DUOX1: variants seen among roughly 807,000 people sequenced by gnomAD.
DUOX1 encodes NADPH thyroid oxidase 1.
Under a neutral mutation model 181.8 loss-of-function variants are expected in DUOX1, and 134 were observed. The ratio of observed to expected loss-of-function variants is 0.74; its 90% confidence interval spans 0.64 to 0.85. The LOEUF is 0.85. Ranked by LOEUF, DUOX1 falls within the 40% of genes least tolerant of loss-of-function variation. The pLI, the probability that DUOX1 is intolerant of heterozygous loss-of-function variation, is 0.00. For synonymous variants in DUOX1, 798 were observed against 832.5 expected (o/e 0.96, Z 0.71); for missense variants, 1,814 against 2,064.4 (o/e 0.88, Z 2.35).
chr15:45,143,275 G>A lies in DUOX1; in HGVS notation c.1908G>A (p.Val636=), dbSNP rs765157482. The change falls in exon 16 of 34, where the codon GTG becomes GTA. Residue 636 remains valine, a synonymous_variant. Coordinates refer to ENST00000389037, the MANE Select transcript of DUOX1 (RefSeq NM_175940.3). ...RLQGQDRQSI[V]SEKLVGGMEA... is the part of the protein sequence containing the mutation. ...AGGGCCAGGACCGCCAGAGCATCGT[G>A]TCTGAGAAGCTCGTGGGAGGCATGG... The A allele has an allele frequency of 1.2e-6, 2 of 1,614,156 alleles. No individual in the cohort carries two copies. The highest frequency in any genetic ancestry group is 1.6e-4 in the Middle Eastern group (1 of 6,062).
intron 28 of DUOX1, among the ~76,000 whole-genome samples, chr15:45,159,924 G>A (rs1423690067): frequency 6.6e-6 from 1 of 152,182 alleles, no homozygotes; most frequent in Non-Finnish European, 1.5e-5. Context: ...GGAGGCCGAG[G>A]TGGGCAAATC....
intron 12 of DUOX1, 69 bp downstream of exon 12, chr15:45,139,668 A>T (rs962543610): frequency 5.5e-6 from 8 of 1,463,744 alleles, no homozygotes; most frequent in Non-Finnish European, 7.3e-6. Context: ...GACATGGAAG[A>T]TAGGCAGTGA....
At chr15:45,144,620 T>C (rs1402106768) in intron 17 of DUOX1, among the ~76,000 whole-genome samples, 1 of 152,222 alleles carries the variant, frequency 6.6e-6, no homozygotes, top group Non-Finnish European at 1.5e-5. Flanking sequence ...GCCTGGCCCA[T>C]GATCCCCTCC....
chr15:45,138,821 G>A, intron 10 of DUOX1: 1 of 493,628 alleles, frequency 2.0e-6, no homozygotes, highest in Non-Finnish European at 3.6e-6. Flanking sequence ...GTATCCCAAG[G>A]TCAAAGTAAA....
chr15:45,149,159 T>C (rs1339245210), intron 21 of DUOX1, among the ~76,000 whole-genome samples: 1 of 152,148 alleles, frequency 6.6e-6, no homozygotes, highest in African/African-American at 2.4e-5. Context: ...CTGGGGCATG[T>C]TGAGACCAAA....
rs772372290 is a variant in DUOX1 at position 45,144,068 on chromosome 15, C to A, written c.1969C>A (p.Arg657=). The change falls in exon 17 of 34, where the codon CGG becomes AGG. Residue 657 remains arginine, a synonymous_variant. Coordinates refer to ENST00000389037, the MANE Select transcript of DUOX1 (RefSeq NM_175940.3). ...ATGGCAAGGCCACAAGGAGCCCTGC[C>A]GGCCCGTGCTTGTGTACCTGCAGCC... ...LEWQGHKEPC[R]PVLVYLQPGQ... The A allele has an allele frequency of 1.2e-6, 2 of 1,614,032 alleles. No individual in the cohort carries two copies. The highest frequency in any genetic ancestry group is 1.7e-6 in the Non-Finnish European group (2 of 1,180,042).
At position 45,135,258 on chromosome 15, in the gene DUOX1, G is replaced by T; in HGVS notation, c.462G>T (p.Glu154Asp). 1 of 1,612,806 alleles carries T rather than the reference G, an allele frequency of 6.2e-7. No homozygotes were observed. The highest frequency in any genetic ancestry group is 8.5e-7 in the Non-Finnish European group (1 of 1,179,804). The change falls in exon 5 of 34, where the codon GAG becomes GAT. Residue 154 changes from glutamate (E) to aspartate (D), a missense_variant. Physicochemically the swap from Glu to Asp is conservative, Grantham distance 45. Coordinates refer to ENST00000389037, the MANE Select transcript of DUOX1 (RefSeq NM_175940.3). ...LPFQRSRWDPETGRSPSNPRD... is the reference protein window; with the variant it reads ...LPFQRSRWDPDTGRSPSNPRD... Reference sequence around the variant, plus strand: ...TCCAGAGAAGCCGCTGGGACCCCGAGACCGGACGGAGTCCCAGCAATCCCC... The same window carrying T: ...TCCAGAGAAGCCGCTGGGACCCCGATACCGGACGGAGTCCCAGCAATCCCC...
At chr15:45,136,030 C>G (rs1896303488) in intron 7 of DUOX1, 82 bp downstream of exon 7, 1 of 1,348,410 alleles carries the variant, frequency 7.4e-7, no homozygotes, top group Non-Finnish European at 1.0e-6. Flanking sequence ...AGCTCCCCAT[C>G]TGTGGACAAC....
At chr15:45,155,578 A>G (rs1896950693) in intron 27 of DUOX1, 1 of 596,652 alleles carries the variant, frequency 1.7e-6, no homozygotes, top group African/African-American at 1.9e-5. Flanking sequence ...TCAAAAAAAA[A>G]AAAAAAAAAA....
chr15:45,161,021 A>C (rs1373164111), intron 29 of DUOX1, 31 bp downstream of exon 29: 1 of 1,613,588 alleles, frequency 6.2e-7, no homozygotes. Context: ...CAGCTTGGTG[A>C]CACTGAGGGA....
chr15:45,161,434 A>AAAAAAAAAAGG (rs1897098267), intron 29 of DUOX1, among the ~76,000 whole-genome samples: 1 of 124,782 alleles, frequency 8.0e-6, no homozygotes, highest in Non-Finnish European at 1.8e-5. Flanking sequence ...AAAAAAAAAA[A>AAAAAAAAAAGG]AAAAAAGGAA....
In DUOX1 at chr15:45,135,603, T is replaced by C. The variant is rs1183319392; in HGVS notation, c.625T>C (p.Ser209Pro). The change falls in exon 6 of 34, where the codon TCG (serine) becomes CCG (proline). Residue 209 changes from serine (S) to proline (P), a missense_variant. By Grantham distance (74) the Ser-to-Pro change is moderately conservative. Around this residue, in one of 5 missense-constraint regions of DUOX1, gnomAD observed 320 missense variants for 313.1 expected, o/e 1.02. Transcript: ENST00000389037. ...GCCCGACCCCGCTTTTCCCCGAGAC[T>C]CGCAGAACCCCCTGCTCATGTGGGC... ...SGPDPAFPRD[S>P]QNPLLMWAAP... The C allele has an allele frequency of 1.9e-6, 3 of 1,563,614 alleles. No homozygotes were observed. Among genetic ancestry groups the C allele is most frequent in the African/African-American group, 2.7e-5 (2 of 73,910 alleles).
rs999148087 is a variant in DUOX1 at position 45,162,456 on chromosome 15, G to A, written c.4248+79G>A. 3.2e-6 allele frequency: 5 copies of A among 1,541,244 alleles called. No individual in the cohort carries two copies. In the African/African-American group the frequency reaches 5.5e-5, roughly 17 times the overall value. ...GTACCCATCTGTGCCTTTCTCCTCT[G>A]CCTTTGTTCTTGGCTTCCCTGAACT... On this transcript the variant is annotated intron_variant, in intron 31 of 33. Coordinates refer to ENST00000389037, the MANE Select transcript of DUOX1 (RefSeq NM_175940.3).
chr15:45,134,364 G>C (rs1264320495), intron 4 of DUOX1, 55 bp downstream of exon 4: 4 of 1,520,740 alleles, frequency 2.6e-6, no homozygotes, highest in Non-Finnish European at 3.5e-6. Context: ...GGACACCTCT[G>C]CATGTGAAGA....
chr15:45,136,276 G>A lies in DUOX1; in HGVS notation c.865-74G>A, dbSNP rs971884308. ...TGGTCCTCATCTCCACACGGAAGCC[G>A]TCCTTGGGCTCAGACCCTTCCAGGT... is the stretch of plus-strand genomic sequence containing the variant. On this transcript the variant is annotated intron_variant, in intron 7 of 33. Coordinates refer to ENST00000389037, the MANE Select transcript of DUOX1 (RefSeq NM_175940.3). 3.7e-6 allele frequency: 6 copies of A among 1,606,724 alleles called. No homozygotes were observed. In the Admixed American group the frequency reaches 5.1e-5, roughly 14 times the overall value.
At chr15:45,142,172 G>A (rs1896517859) in intron 15 of DUOX1, 60 bp downstream of exon 15, 4 of 1,570,756 alleles carry the variant, frequency 2.5e-6, no homozygotes, top group African/African-American at 2.7e-5. Flanking sequence ...TGCAGTTTGG[G>A]TGGTTCCACT....
rs372501889 is a variant in DUOX1 at position 45,136,331 on chromosome 15, G to C, written c.865-19G>C. ...CCCCATCCAACTCGTGCCTCCCCTC[G>C]CCCCTCTCTGCCCCTCAGAACATCG... On this transcript the variant is annotated intron_variant, in intron 7 of 33. Transcript: ENST00000389037. 6.2e-7 allele frequency: 1 copy of C among 1,612,824 alleles called. No homozygotes were observed. Among genetic ancestry groups the C allele is most frequent in the South Asian group, 1.1e-5 (1 of 91,018 alleles).
chr15:45,156,234 G>A (rs1595593857), intron 28 of DUOX1, among the ~76,000 whole-genome samples: 1 of 152,254 alleles, frequency 6.6e-6, no homozygotes, highest in East Asian at 1.9e-4. Context: ...CCCACTTTGG[G>A]TGGCTGGTTT....
intron 28 of DUOX1, among the ~76,000 whole-genome samples, chr15:45,158,679 G>C (rs984378918): frequency 7.1e-6 from 1 of 140,708 alleles, no homozygotes; most frequent in Non-Finnish European, 1.5e-5. Flanking sequence ...TCCAGCCTGG[G>C]TGACAGCGAG....
Sources: gnomAD v4.1 joint callset for allele counts (sites outside exome capture counted in the v4.1 genomes callset) on GRCh38, gnomAD v4.1.1 for gene constraint, gnomAD v4.1.1 regional missense constraint, MANE v1.5 for transcripts, NCBI Gene and HGNC (gene_info 2026-07-23, HGNC 2026-07-21) for gene names.